DHX29: variants seen among roughly 807,000 people sequenced by gnomAD.
DHX29 encodes the protein ATP-dependent RNA helicase DHX29.
A neutral mutation model predicts 167.9 loss-of-function variants in DHX29; 79 were observed. The ratio of observed to expected loss-of-function variants is 0.47; its 90% CI spans 0.39 to 0.57. The LOEUF (loss-of-function observed/expected upper bound fraction) is 0.57. Ranked by LOEUF, DHX29 falls within the 20% of genes least tolerant of loss-of-function variation. The pLI is 0.00. For missense variants in DHX29, 1,347 were observed against 1,593.4 expected (o/e 0.85, Z 2.63); for synonymous variants, 530 against 546.0 (o/e 0.97, Z 0.41).
Position 55,262,847 on chromosome 5 carries a change from G to T in DHX29, c.3611C>A (p.Ala1204Asp). Residue 1204 changes from alanine (A) to aspartate (D), a missense_variant, in exon 24 of 27, where the codon GCC becomes GAC. Ala to Asp is a moderately radical substitution (Grantham distance 126). Around this residue, in one of 3 missense-constraint regions of DHX29, gnomAD observed 882 missense variants for 1,082.4 expected, o/e 0.81. Coordinates refer to ENST00000251636, the MANE Select transcript of DHX29 (RefSeq NM_019030.4). ...TTSTSWEGNR[A>D]SQTLSFQEIA... ...TTCTTGGAATGAGAGGGTCTGTGAG[G>T]CTCTGTTTCCTTCCCAGCTGGTAGA... 6.2e-7 allele frequency: 1 copy of T among 1,613,944 alleles called. No homozygotes were observed. The highest frequency in any genetic ancestry group is 8.5e-7 in the Non-Finnish European group (1 of 1,179,878).
chr5:55,274,945 G>A lies in DHX29; in HGVS notation c.2493C>T (p.Ser831=). The change falls in exon 15 of 27, where the codon AGC becomes AGT. Residue 831 remains serine, a synonymous_variant. Coordinates refer to ENST00000251636, the MANE Select transcript of DHX29 (RefSeq NM_019030.4). ...DLNPFYQKYS[S]RTQHAILYMN... ...TGTATAGAATAGCATGCTGAGTGCGGCTGCTGTACTTTTGGTAAAATGGAT... is the reference window on the plus strand; with the variant it reads ...TGTATAGAATAGCATGCTGAGTGCGACTGCTGTACTTTTGGTAAAATGGAT... The A allele has an allele frequency of 6.2e-7, 1 of 1,613,938 alleles. No homozygotes were observed. The highest frequency in any genetic ancestry group is 1.3e-5 in the African/African-American group (1 of 75,036).
At chr5:55,260,757 T>G (rs1746275705) in intron 25 of DHX29, among the ~76,000 whole-genome samples, 1 of 152,226 alleles carries the variant, frequency 6.6e-6, no homozygotes, top group African/African-American at 2.4e-5. Flanking sequence ...TGTAATAGGT[T>G]TGCTTAGTTT....
intron 24 of DHX29, 73 bp downstream of exon 24, chr5:55,262,557 G>C: frequency 1.3e-6 from 2 of 1,529,924 alleles, no homozygotes; most frequent in Non-Finnish European, 1.8e-6. Flanking sequence ...TACCTGTTAG[G>C]GCATCCTAAC....
intron 23 of DHX29, among the ~76,000 whole-genome samples, chr5:55,266,315 T>G (rs557172624): frequency 2.6e-5 from 4 of 151,340 alleles, no homozygotes; most frequent in South Asian, 4.2e-4. Context: ...TTTTTGTTTT[T>G]TTTTTTTTTT....
Position 55,283,705 on chromosome 5 carries a change from C to G in DHX29, c.1463G>C (p.Arg488Pro), listed in dbSNP as rs1195171359. ...ELNKMETNKP[R>P]DLFIAKLLNK... is the part of the protein sequence containing the mutation. The stretch of plus-strand genomic sequence containing the variant: ...CAGAAGTTTGGCAATAAAAAGATCA[C>G]GTGGTTTATTGGTTTCCATTTTATT... Residue 488 changes from arginine to proline, a missense_variant, in exon 11 of 27, where the codon CGT (arginine) becomes CCT (proline). Physicochemically the swap from Arg to Pro is moderately radical, Grantham distance 103 (BLOSUM62 -2). This residue lies in a region of DHX29 where 882 missense variants were observed against 1,082.4 expected (regional missense o/e 0.81). Coordinates refer to ENST00000251636, the MANE Select transcript of DHX29 (RefSeq NM_019030.4). 6.2e-7 allele frequency: 1 copy of G among 1,613,986 alleles called. No individual in the cohort carries two copies. Among genetic ancestry groups the G allele is most frequent in the Non-Finnish European group, 8.5e-7 (1 of 1,179,994 alleles).
intron 1 of DHX29, among the ~76,000 whole-genome samples, chr5:55,304,293 G>C (rs1342687664): frequency 6.8e-6 from 1 of 147,018 alleles, no homozygotes; most frequent in Non-Finnish European, 1.5e-5. Context: ...TGCCTCCTTT[G>C]CTTGCTCAAA....
intron 5 of DHX29, among the ~76,000 whole-genome samples, chr5:55,294,552 G>A (rs570960526): frequency 6.6e-6 from 1 of 152,296 alleles, no homozygotes; most frequent in South Asian, 2.1e-4. Context: ...GAGGGTGCCT[G>A]TAGTCCCAGC....
In DHX29 at chr5:55,306,765, A is replaced by G. The variant is rs548519656; in HGVS notation, c.187+622T>C. ...TGTTCATCTTTTGAGCTCAACCGTA[A>G]TATGTGGCCTGCTCATCTGCAGCAG... On this transcript the variant is annotated intron_variant, in intron 1 of 26. Coordinates refer to ENST00000251636, the MANE Select transcript of DHX29 (RefSeq NM_019030.4). Among the ~76,000 whole-genome samples the G allele has an allele frequency of 3.9e-5, 6 of 152,334 alleles. No homozygotes were observed. The East Asian group carries it at 7.7e-4, about 20-fold the overall frequency.
At chr5:55,280,971 C>G (rs772332977) in intron 12 of DHX29, among the ~76,000 whole-genome samples, 13 of 151,952 alleles carry the variant, frequency 8.6e-5, no homozygotes, top group Non-Finnish European at 1.5e-4. Flanking sequence ...CCACAAAGAC[C>G]TGACTCCCCA....
chr5:55,275,070 A>C, intron 14 of DHX29, 60 bp from the exon 15 acceptor site: 1 of 1,570,646 alleles, frequency 6.4e-7, no homozygotes. Context: ...TGTAAGACAA[A>C]GAAGGAAAAA....
chr5:55,285,268 T>C, intron 10 of DHX29, 25 bp downstream of exon 10: 4 of 1,611,716 alleles, frequency 2.5e-6, no homozygotes, highest in Non-Finnish European at 3.4e-6. Flanking sequence ...CACATACAGA[T>C]ATAGTTAGGC....
chr5:55,257,474 T>C (rs1385782612), intron 26 of DHX29, among the ~76,000 whole-genome samples: 1 of 152,196 alleles, frequency 6.6e-6, no homozygotes, highest in Non-Finnish European at 1.5e-5. Context: ...GCCTAGGCTG[T>C]AGTGCAGTGG....
intron 14 of DHX29, among the ~76,000 whole-genome samples, chr5:55,276,065 A>T (rs1579775122): frequency 6.6e-6 from 1 of 152,322 alleles, no homozygotes; most frequent in East Asian, 1.9e-4. Context: ...AGGACAATCA[A>T]AGTATCACAA....
intron 20 of DHX29, among the ~76,000 whole-genome samples, chr5:55,270,157 T>C (rs1442618061): frequency 6.6e-6 from 1 of 152,084 alleles, no homozygotes; most frequent in African/African-American, 2.4e-5. Context: ...CAATGTCCCC[T>C]GGTAGGCAAC....
chr5:55,277,891 G>GT (rs1465421663), intron 12 of DHX29, among the ~76,000 whole-genome samples: 3 of 127,452 alleles, frequency 2.4e-5, no homozygotes, highest in African/African-American at 9.1e-5. Context: ...GGGCGACAGA[G>GT]TAAGACTCTA....
intron 11 of DHX29, among the ~76,000 whole-genome samples, chr5:55,281,869 TC>T (rs2111885814): frequency 6.6e-6 from 1 of 151,944 alleles, no homozygotes; most frequent in South Asian, 2.1e-4. Context: ...CACTGCAACT[TC>T]CACCTCTTGG....
At chr5:55,259,139 T>C (rs2111772408) in intron 26 of DHX29, among the ~76,000 whole-genome samples, 1 of 152,306 alleles carries the variant, frequency 6.6e-6, no homozygotes, top group African/African-American at 2.4e-5. Flanking sequence ...TGACACCATG[T>C]TTGGCTTATT....
At chr5:55,274,050 G>A (rs958142761) in intron 16 of DHX29, among the ~76,000 whole-genome samples, 3 of 146,490 alleles carry the variant, frequency 2.0e-5, no homozygotes, top group Non-Finnish European at 3.0e-5. Context: ...TTGCGCTATC[G>A]CACTCCAGCC....
At chr5:55,304,477 T>TAA (rs1163168961) in intron 1 of DHX29, among the ~76,000 whole-genome samples, 1 of 151,934 alleles carries the variant, frequency 6.6e-6, no homozygotes, top group East Asian at 1.9e-4. Flanking sequence ...TATGCCCAGC[T>TAA]AATTTTTTAT....
Sources: allele counts gnomAD v4.1 joint callset (sites outside exome capture counted in the v4.1 genomes callset), GRCh38; gene constraint gnomAD v4.1.1; regional missense constraint gnomAD v4.1.1; transcripts MANE v1.5; gene names NCBI Gene and HGNC (gene_info 2026-07-23, HGNC 2026-07-21).